FAT3: variants seen among roughly 807,000 people sequenced by gnomAD.
The protein encoded by FAT3 is FAT atypical cadherin 3.
FAT3 carries 95 observed loss-of-function variants against 310.2 expected under a neutral mutation model. That is an observed-to-expected ratio of 0.31 (90% CI 0.26 to 0.36). The LOEUF (loss-of-function observed/expected upper bound fraction) is 0.36, where lower values mean the gene tolerates loss of function less well. Among genes scored for constraint, FAT3 ranks in the 10% least tolerant of loss-of-function variants. The probability of loss-of-function intolerance (pLI) is 1.00; values close to 1 mark genes in which losing one functional copy is unlikely to be tolerated. For synonymous variants in FAT3, 2,314 were observed against 2,192.9 expected, an observed-to-expected ratio of 1.06 and a Z score of -1.54; for missense variants, 5,408 against 5,715.6, an observed-to-expected ratio of 0.95 and a Z score of 1.74.
chr11:92,279,823 C>G (rs551137695), intron 1 of FAT3, among the ~76,000 whole-genome samples: 67 of 152,088 alleles, frequency 4.4e-4, no homozygotes, highest in Non-Finnish European at 5.6e-4. Context: ...TGACCAACCT[C>G]ACAAAAAGGA....
chr11:92,610,376 T>C (rs555508107), intron 3 of FAT3, among the ~76,000 whole-genome samples: 8 of 152,344 alleles, frequency 5.3e-5, no homozygotes, highest in African/African-American at 1.7e-4. Context: ...AACAGGTTTG[T>C]GTTTTATCTG....
intron 1 of FAT3, among the ~76,000 whole-genome samples, chr11:92,309,277 T>C (rs1210221758): frequency 6.6e-6 from 1 of 150,798 alleles, no homozygotes; most frequent in East Asian, 2.0e-4. Flanking sequence ...GGTCACATCC[T>C]AGAGCTCTCC....
chr11:92,315,475 G>GTA (rs1555009254), intron 1 of FAT3, among the ~76,000 whole-genome samples: 20 of 76,658 alleles, frequency 2.6e-4, no homozygotes, highest in East Asian at 1.5e-3. Flanking sequence ...GTGTGTGTGT[G>GTA]TGTGTATATA....
At chr11:92,386,957 G>A (rs1054905588) in intron 2 of FAT3, among the ~76,000 whole-genome samples, 1 of 152,114 alleles carries the variant, frequency 6.6e-6, no homozygotes, top group African/African-American at 2.4e-5. Context: ...AGCCAAAGAC[G>A]TTTGCTGTTG....
intron 3 of FAT3, among the ~76,000 whole-genome samples, chr11:92,532,403 T>C (rs1954113025): frequency 6.6e-6 from 1 of 152,200 alleles, no homozygotes; most frequent in Non-Finnish European, 1.5e-5. Flanking sequence ...TAACTTCAGT[T>C]AAATACATTT....
At chr11:92,772,121 T>C (rs1946475348) in intron 6 of FAT3, among the ~76,000 whole-genome samples, 1 of 152,184 alleles carries the variant, frequency 6.6e-6, no homozygotes, top group Admixed American at 6.5e-5. Context: ...AGAGGATGAC[T>C]CCTTCCCCCA....
rs145573717 is a variant in FAT3 at position 92,439,611 on chromosome 11, A to G, written c.3292+84207A>G. On this transcript the variant is annotated intron_variant, in intron 2 of 27. Coordinates refer to ENST00000525166, the MANE Select transcript of FAT3 (RefSeq NM_001367949.2). ...AGTAAATATATTAATACATGTCACT[A>G]TCCTCCTACTAGACCTGCTAAAGGC... Among the ~76,000 whole-genome samples the G allele has an allele frequency of 8.5e-5, 13 of 152,188 alleles. No homozygotes were observed. In the East Asian group the frequency reaches 2.5e-3, roughly 30 times the overall value.
At position 92,777,137 on chromosome 11, in the gene FAT3, A is replaced by G. The variant is rs186079942; in HGVS notation, c.4335+2957A>G. Among the ~76,000 whole-genome samples the G allele has an allele frequency of 4.7e-3, 711 of 152,342 alleles. 3 individuals are homozygous for G. The highest frequency in any genetic ancestry group is 7.8e-3 in the Non-Finnish European group (532 of 68,032). Reference sequence around the variant, plus strand: ...TACCATCAAACAGATAACCTTCACCATATAACTAAATAAATGTCCTGTAGC... The same window carrying G: ...TACCATCAAACAGATAACCTTCACCGTATAACTAAATAAATGTCCTGTAGC... On this transcript the variant is annotated intron_variant, in intron 7 of 27. Transcript: ENST00000525166.
chr11:92,847,190 C>T (rs1428818229), intron 19 of FAT3, among the ~76,000 whole-genome samples: 2 of 152,218 alleles, frequency 1.3e-5, no homozygotes, highest in African/African-American at 4.8e-5. Flanking sequence ...AACAAGGGAC[C>T]ATGTATACAG....
intron 1 of FAT3, among the ~76,000 whole-genome samples, chr11:92,235,478 A>G (rs1255740087): frequency 6.6e-6 from 1 of 152,134 alleles, no homozygotes; most frequent in Admixed American, 6.6e-5. Flanking sequence ...ATAGGCCATC[A>G]TTCCCTGGGC....
At position 92,336,803 on chromosome 11, in the gene FAT3, C is replaced by G. The variant is rs957270670; in HGVS notation, c.-17-15293C>G. Among the ~76,000 whole-genome samples, 3 of 151,954 alleles carry G rather than the reference C, an allele frequency of 2.0e-5. 1 individual carries two copies. Among genetic ancestry groups the G allele is most frequent in the Admixed American group, 1.3e-4 (2 of 15,260 alleles). Reference sequence around the variant, plus strand: ...GTGAAATGTTGAATCCAAGTAAACTCGAGTAGGAGAAGTAGAGTCCTAGGC... The same window carrying G: ...GTGAAATGTTGAATCCAAGTAAACTGGAGTAGGAGAAGTAGAGTCCTAGGC... On this transcript the variant is annotated intron_variant, in intron 1 of 27. Transcript: ENST00000525166.
intron 2 of FAT3, among the ~76,000 whole-genome samples, chr11:92,365,849 C>A (rs1293229493): frequency 1.3e-5 from 2 of 152,216 alleles, no homozygotes; most frequent in African/African-American, 4.8e-5. Context: ...GGCTTATTTT[C>A]TGATGACCAC....
At chr11:92,270,126 G>A (rs1309720249) in intron 1 of FAT3, among the ~76,000 whole-genome samples, 1 of 152,100 alleles carries the variant, frequency 6.6e-6, no homozygotes, top group Non-Finnish European at 1.5e-5. Flanking sequence ...GCCAGAGAGG[G>A]TGATGTCTCT....
intron 1 of FAT3, among the ~76,000 whole-genome samples, chr11:92,331,119 A>T: frequency 6.6e-6 from 1 of 152,234 alleles, no homozygotes; most frequent in East Asian, 1.9e-4. Flanking sequence ...CATGTCAGAT[A>T]AAATATATAA....
Position 92,645,731 on chromosome 11 carries a change from C to T in FAT3, c.3608-51653C>T, listed in dbSNP as rs774241350. 9.2e-5 allele frequency among the ~76,000 whole-genome samples: 14 copies of T among 152,244 alleles called. No homozygotes were observed. In the East Asian group the frequency reaches 9.7e-4, roughly 11 times the overall value. ...ATTAGTCACTACTTTCTATAGTTAG[C>T]GCTGTCCCTGGCAATTTGGATATTA... On this transcript the variant is annotated intron_variant, in intron 3 of 27. Transcript: ENST00000525166.
At chr11:92,613,829 C>T (rs1940680938) in intron 3 of FAT3, among the ~76,000 whole-genome samples, 1 of 152,190 alleles carries the variant, frequency 6.6e-6, no homozygotes, top group African/African-American at 2.4e-5. Flanking sequence ...AATTGTGCAT[C>T]TGTCACCACA....
chr11:92,416,323 G>T (rs1369940697), intron 2 of FAT3, among the ~76,000 whole-genome samples: 1 of 150,754 alleles, frequency 6.6e-6, no homozygotes, highest in Non-Finnish European at 1.5e-5. Context: ...AGCGGAGGTT[G>T]CAGTGAGGCG....
chr11:92,337,934 G>A (rs977116398), intron 1 of FAT3, among the ~76,000 whole-genome samples: 2 of 152,146 alleles, frequency 1.3e-5, no homozygotes, highest in Non-Finnish European at 1.5e-5. Context: ...GTTCATAGTG[G>A]TCAAATCACT....
intron 1 of FAT3, among the ~76,000 whole-genome samples, chr11:92,340,448 T>G (rs1591134326): frequency 6.6e-6 from 1 of 152,200 alleles, no homozygotes; most frequent in East Asian, 1.9e-4. Context: ...TCCACGGCCT[T>G]AACTGTATTT....
Sources: gnomAD v4.1 joint callset for allele counts (sites outside exome capture counted in the v4.1 genomes callset) on GRCh38, gnomAD v4.1.1 for gene constraint, MANE v1.5 for transcripts, NCBI Gene and HGNC (gene_info 2026-07-23, HGNC 2026-07-21) for gene names.